COMMD8: variants seen among roughly 807,000 people sequenced by gnomAD.
COMMD8 encodes the protein COMM domain containing 8.
In COMMD8, 28 loss-of-function variants were observed where a neutral mutation model predicts 27.2. The observed-to-expected ratio is 1.03, with a 90% CI of 0.76 to 1.41. The LOEUF is 1.41. COMMD8 is among the 40% of genes most tolerant of loss of function. The pLI is 0.00. For synonymous variants in COMMD8, 79 were observed against 75.5 expected (o/e 1.05, Z -0.24); for missense variants, 217 against 211.2 (o/e 1.03, Z -0.17).
intron 4 of COMMD8, among the ~76,000 whole-genome samples, chr4:47,452,751 T>C (rs182047634): frequency 3.9e-4 from 59 of 152,350 alleles, no homozygotes; most frequent in Admixed American, 3.3e-3. Context: ...ATCCCAGCAC[T>C]TTGGGAGGCC....
intron 2 of COMMD8, among the ~76,000 whole-genome samples, chr4:47,459,294 T>C (rs970861992): frequency 6.6e-6 from 1 of 152,058 alleles, no homozygotes; most frequent in Non-Finnish European, 1.5e-5. Flanking sequence ...ATGACAAACA[T>C]ACATAACTTG....
chr4:47,462,838 G>A (rs1730095267), intron 1 of COMMD8, among the ~76,000 whole-genome samples: 1 of 151,896 alleles, frequency 6.6e-6, no homozygotes, highest in African/African-American at 2.4e-5. Context: ...TCTTGACCCT[G>A]GCAGGAGGTA....
At chr4:47,461,073 A>C (rs529760620) in intron 1 of COMMD8, among the ~76,000 whole-genome samples, 1 of 152,286 alleles carries the variant, frequency 6.6e-6, no homozygotes, top group African/African-American at 2.4e-5. Context: ...ATCTTGCTGT[A>C]AGGATGGAAT....
chr4:47,454,877 A>AC (rs1267598674), intron 3 of COMMD8, among the ~76,000 whole-genome samples: 1 of 151,634 alleles, frequency 6.6e-6, no homozygotes, highest in Non-Finnish European at 1.5e-5. Context: ...AAAAAAAAAA[A>AC]AAAAAAAAAA....
chr4:47,462,871 C>T (rs1730096676), intron 1 of COMMD8, among the ~76,000 whole-genome samples: 1 of 152,026 alleles, frequency 6.6e-6, no homozygotes, highest in South Asian at 2.1e-4. Flanking sequence ...TCTGTCTCCT[C>T]CACACTTTCT....
chr4:47,461,026 C>G (rs1031574625), intron 1 of COMMD8, among the ~76,000 whole-genome samples: 3 of 152,190 alleles, frequency 2.0e-5, no homozygotes, highest in African/African-American at 7.2e-5. Flanking sequence ...GAGTCTGCTT[C>G]CTCAAGTGTT....
Position 47,451,503 on chromosome 4 carries a change from T to C in COMMD8, c.*142A>G. On this transcript the variant is annotated 3_prime_UTR_variant, in exon 5 of 5. Transcript: ENST00000381571. ...CTGTTAAGGAATGTTGATAAATTTT[T>C]ATCTTTATAATATCAATATTGCTGC... The C allele has an allele frequency of 1.6e-6, 1 of 645,130 alleles. No individual in the cohort carries two copies. The highest frequency in any genetic ancestry group is 2.7e-6 in the Non-Finnish European group (1 of 371,796). 40.0% of individuals were successfully genotyped at this position (645,130 alleles called of 1,614,324 possible).
At chr4:47,461,985 A>G (rs1315797223) in intron 1 of COMMD8, among the ~76,000 whole-genome samples, 3 of 152,190 alleles carry the variant, frequency 2.0e-5, no homozygotes, top group East Asian at 1.9e-4. Flanking sequence ...TTGGCCAAGC[A>G]AAACAGGAGA....
chr4:47,462,658 G>A (rs556260015), intron 1 of COMMD8, among the ~76,000 whole-genome samples: 24 of 152,270 alleles, frequency 1.6e-4, no homozygotes, highest in Non-Finnish European at 2.4e-4. Flanking sequence ...GTAGAGTGAA[G>A]ACAAGGAGAG....
chr4:47,459,680 C>G lies in COMMD8; in HGVS notation c.222+464G>C, dbSNP rs566699842. Among the ~76,000 whole-genome samples, 3 of 152,230 alleles carry G rather than the reference C, an allele frequency of 2.0e-5. No homozygotes were observed. The South Asian group carries it at 6.2e-4, about 32-fold the overall frequency. ...ATGTTACATTTTATTACAAGTTATA[C>G]ACTGACACACCCCAAATAATTTCAA... On this transcript the variant is annotated intron_variant, in intron 2 of 4. Coordinates refer to ENST00000381571, the MANE Select transcript of COMMD8 (RefSeq NM_017845.5).
chr4:47,463,547 C>T (rs1459169707), intron 1 of COMMD8, 39 bp downstream of exon 1: 1 of 1,531,790 alleles, frequency 6.5e-7, no homozygotes, highest in Admixed American at 2.0e-5. Flanking sequence ...TGTCGCGAAT[C>T]CCAGGCCCCG....
chr4:47,456,684 T>TA lies in COMMD8; in HGVS notation c.267dup (p.Ile90TyrfsTer8). 6.2e-7 allele frequency: 1 copy of TA among 1,608,118 alleles called. No individual in the cohort carries two copies. The highest frequency in any genetic ancestry group is 8.5e-7 in the Non-Finnish European group (1 of 1,177,784). ...TTCCTACTTTTCACGCATTTCATGA[T>TA]AGTTTCTTGATGAAGTGAATTCAAC... is the stretch of plus-strand genomic sequence containing the variant. On this transcript the variant is annotated frameshift_variant, in exon 3 of 5. Transcript: ENST00000381571. LOFTEE classifies it high-confidence loss of function.
chr4:47,451,077 TTAGAG>T lies in COMMD8; in HGVS notation c.*563_*567del, dbSNP rs1729739673. On this transcript the variant is annotated 3_prime_UTR_variant, in exon 5 of 5. Coordinates refer to ENST00000381571, the MANE Select transcript of COMMD8 (RefSeq NM_017845.5). ...TAAACTCAAAACTGTTCACATAAGT[TTAGAG>T]TATTTGTTCTTGTTTATCTCTGACA... 1 of 152,416 alleles carries T rather than the reference TTAGAG, an allele frequency of 6.6e-6. No homozygotes were observed. The highest frequency in any genetic ancestry group is 2.4e-5 in the African/African-American group (1 of 41,588). 9.4% of individuals were successfully genotyped at this position (152,416 alleles called of 1,614,324 possible).
chr4:47,463,676 T>G lies in COMMD8; in HGVS notation c.-25A>C, dbSNP rs902065699. ...TCCCTGCGCGAAGCTGGGGCTTGGGTCACGTGTCAAGGCTGGCCGCTTGTC... is the reference window on the plus strand; with the variant it reads ...TCCCTGCGCGAAGCTGGGGCTTGGGGCACGTGTCAAGGCTGGCCGCTTGTC... On this transcript the variant is annotated 5_prime_UTR_variant, in exon 1 of 5. Transcript: ENST00000381571. The G allele has an allele frequency of 3.9e-6, 6 of 1,542,728 alleles. No homozygotes were observed. The African/African-American group carries it at 8.3e-5, about 21-fold the overall frequency.
intron 4 of COMMD8, 71 bp downstream of exon 4, chr4:47,452,988 C>A: frequency 7.3e-7 from 1 of 1,377,572 alleles, no homozygotes; most frequent in South Asian, 1.5e-5. Context: ...CAGAGTGAGA[C>A]TCCAACGCAA....
chr4:47,456,090 T>C (rs535774359), intron 3 of COMMD8, among the ~76,000 whole-genome samples: 2 of 151,500 alleles, frequency 1.3e-5, no homozygotes, highest in East Asian at 2.0e-4. Flanking sequence ...CCACCAAAGA[T>C]ACAAAAATTA....
In COMMD8 at chr4:47,463,606, G is replaced by T; in HGVS notation, c.46C>A (p.Pro16Thr). The change falls in exon 1 of 5, where the codon CCG (proline) becomes ACG (threonine). Residue 16 changes from proline to threonine, a missense_variant. Coordinates refer to ENST00000381571, the MANE Select transcript of COMMD8 (RefSeq NM_017845.5). ...GTPLWRLQKL[P>T]AELGPQLLHK... ...CTCACCTGCGGGCCCAGCTCGGCCG[G>T]CAGCTTCTGCAGCCGCCACAAGGGC... 1 of 1,546,874 alleles carries T rather than the reference G, an allele frequency of 6.5e-7. No homozygotes were observed. Among genetic ancestry groups the T allele is most frequent in the Non-Finnish European group, 8.7e-7 (1 of 1,146,156 alleles).
At chr4:47,457,204 T>G (rs755894029) in intron 2 of COMMD8, among the ~76,000 whole-genome samples, 10 of 152,198 alleles carry the variant, frequency 6.6e-5, no homozygotes, top group Non-Finnish European at 1.0e-4. Context: ...ATACTCAACT[T>G]GTATTAATAT....
intron 3 of COMMD8, among the ~76,000 whole-genome samples, chr4:47,454,875 A>AC (rs1488305155): frequency 6.6e-6 from 1 of 151,574 alleles, no homozygotes; most frequent in Non-Finnish European, 1.5e-5. Context: ...AAAAAAAAAA[A>AC]AAAAAAAAAA....
Sources: allele counts gnomAD v4.1 joint callset (sites outside exome capture counted in the v4.1 genomes callset), GRCh38; gene constraint gnomAD v4.1.1; transcripts MANE v1.5; gene names NCBI Gene and HGNC (gene_info 2026-07-23, HGNC 2026-07-21).